The following INPP5A variants were observed in gnomAD, a reference collection of about 807,000 sequenced individuals.
The protein encoded by INPP5A is 43 kDa inositol polyphosphate 5-phophatase.
A neutral mutation model predicts 65.2 loss-of-function variants in INPP5A; 14 were observed. That is an observed-to-expected ratio of 0.21 (90% CI 0.14 to 0.34). INPP5A has a LOEUF of 0.34. Ranked by LOEUF, INPP5A falls within the 10% of genes least tolerant of loss-of-function variation. The pLI, the probability that INPP5A is intolerant of heterozygous loss-of-function variation, is 1.00. For missense variants in INPP5A, 431 were observed against 545.6 expected (o/e 0.79, Z 2.09); for synonymous variants, 207 against 208.3 (o/e 0.99, Z 0.05).
chr10:132,682,871 T>C (rs2073064810), intron 4 of INPP5A, among the ~76,000 whole-genome samples: 1 of 151,212 alleles, frequency 6.6e-6, no homozygotes, highest in Admixed American at 6.6e-5. Flanking sequence ...ATTATATACA[T>C]ATGCACGCAC....
intron 12 of INPP5A, among the ~76,000 whole-genome samples, chr10:132,769,345 C>G (rs528876847): frequency 1.7e-4 from 26 of 152,312 alleles, no homozygotes; most frequent in Non-Finnish European, 3.1e-4. Flanking sequence ...TTGAGGCGGT[C>G]AGGAGCAGGA....
intron 4 of INPP5A, among the ~76,000 whole-genome samples, chr10:132,688,794 G>A (rs1215721543): frequency 6.7e-6 from 1 of 148,600 alleles, no homozygotes; most frequent in Non-Finnish European, 1.5e-5. Context: ...GTGAGCAAGT[G>A]CGTGTGTGCA....
At chr10:132,592,063 G>A (rs985009126) in intron 1 of INPP5A, among the ~76,000 whole-genome samples, 1 of 152,132 alleles carries the variant, frequency 6.6e-6, no homozygotes, top group Admixed American at 6.5e-5. Flanking sequence ...AAGACAAAGC[G>A]TTTCACTTAT....
intron 14 of INPP5A, 56 bp downstream of exon 14, chr10:132,780,973 G>A (rs1847151239): frequency 7.8e-7 from 1 of 1,288,642 alleles, no homozygotes; most frequent in Non-Finnish European, 1.1e-6. Context: ...AAGCTAGGGG[G>A]CCGGGGGGCT....
chr10:132,609,793 C>G (rs531023034), intron 2 of INPP5A, among the ~76,000 whole-genome samples: 3 of 151,986 alleles, frequency 2.0e-5, no homozygotes, highest in African/African-American at 7.3e-5. Flanking sequence ...TACAGGCACC[C>G]GCCACCATGC....
At chr10:132,694,114 A>T (rs777892424) in intron 5 of INPP5A, among the ~76,000 whole-genome samples, 1 of 152,218 alleles carries the variant, frequency 6.6e-6, no homozygotes, top group Non-Finnish European at 1.5e-5. Flanking sequence ...TCACTGAGAC[A>T]TCACATTCTG....
chr10:132,600,073 G>A (rs2071756618), intron 1 of INPP5A, among the ~76,000 whole-genome samples: 3 of 152,188 alleles, frequency 2.0e-5, no homozygotes, highest in African/African-American at 7.2e-5. Context: ...ACATGGTCTT[G>A]GGGATTAACA....
rs112702617 is a variant in INPP5A at position 132,651,520 on chromosome 10, T to C, written c.306+1015T>C. 2.7e-3 allele frequency among the ~76,000 whole-genome samples: 405 copies of C among 151,818 alleles called. 3 individuals carry two copies. The highest frequency in any genetic ancestry group is 9.4e-3 in the African/African-American group (387 of 41,356). On this transcript the variant is annotated intron_variant, in intron 4 of 15. Coordinates refer to ENST00000368594, the MANE Select transcript of INPP5A (RefSeq NM_005539.5). This position sits in a 1 kb window ranked among gnomAD's most constrained non-coding sequence, Gnocchi z 5.0. The stretch of plus-strand genomic sequence containing the variant: ...CTGGGTCCCCCGGCCTGGTTCCATC[T>C]CCCCCGTCTCTGGAGAGGCCCTGCA...
intron 4 of INPP5A, among the ~76,000 whole-genome samples, chr10:132,679,090 C>T (rs946102759): frequency 7.2e-5 from 11 of 152,128 alleles, no homozygotes; most frequent in African/African-American, 1.9e-4. Flanking sequence ...CCTTGGTGCC[C>T]GGTGGAGAAG....
intron 2 of INPP5A, among the ~76,000 whole-genome samples, chr10:132,626,683 A>T (rs940757647): frequency 6.6e-6 from 1 of 152,202 alleles, no homozygotes; most frequent in Admixed American, 6.5e-5. Flanking sequence ...TTTAGCCAGC[A>T]CTTAGATTCT....
In INPP5A at chr10:132,710,591, G is replaced by A. The variant is rs145648601; in HGVS notation, c.647+135G>A. 5.8e-4 allele frequency: 748 copies of A among 1,278,680 alleles called. 17 individuals carry two copies. The East Asian group carries it at 0.019, about 32-fold the overall frequency. The allele number at this position is 1,278,680 out of a possible 1,614,324, so 79.2% of individuals were successfully genotyped here. A position where few individuals can be genotyped will look rare whatever the true frequency, so the allele number is the denominator to read the frequency against. Reference sequence around the variant, plus strand: ...CGGTGTGGGTGGACAGGTAGGTGGGGTGGACAGGTCAGTGTGGATGGAGAG... The same window carrying A: ...CGGTGTGGGTGGACAGGTAGGTGGGATGGACAGGTCAGTGTGGATGGAGAG... On this transcript the variant is annotated intron_variant, in intron 8 of 15. Transcript: ENST00000368594.
Position 132,698,019 on chromosome 10 carries a change from C to A in INPP5A, c.474+100C>A. 1.3e-6 allele frequency: 1 copy of A among 755,054 alleles called. No individual in the cohort carries two copies. Among genetic ancestry groups the A allele is most frequent in the Admixed American group, 2.0e-5 (1 of 49,154 alleles). 46.8% of individuals were successfully genotyped at this position (755,054 alleles called of 1,614,324 possible). A position where few individuals can be genotyped will look rare whatever the true frequency, so the allele number is the denominator to read the frequency against. On this transcript the variant is annotated intron_variant, in intron 6 of 15. Transcript: ENST00000368594. The surrounding 1 kb of genome is among the most constrained non-coding windows in gnomAD (Gnocchi z 5.5). ...ATTTTCGCATTGCACTGTTACTAGT[C>A]ACAGCTGCCTGTTGTTACCTCCGAT...
rs565261569 is a variant in INPP5A, at chr10:132,729,187, G to A, written c.732+2282G>A. Among the ~76,000 whole-genome samples, 7 of 152,194 alleles carry A rather than the reference G, an allele frequency of 4.6e-5. No homozygotes were observed. In the East Asian group the frequency reaches 5.8e-4, roughly 13 times the overall value. The stretch of plus-strand genomic sequence containing the variant: ...CAGAAAAGGAAGAAAGCACCTCACC[G>A]GGGTTTGCCTGTGGGTGTGGCCGTA... On this transcript the variant is annotated intron_variant, in intron 9 of 15. Transcript: ENST00000368594.
At chr10:132,629,697 G>T (rs1235091099) in intron 2 of INPP5A, among the ~76,000 whole-genome samples, 1 of 152,228 alleles carries the variant, frequency 6.6e-6, no homozygotes, top group Non-Finnish European at 1.5e-5. Context: ...CATTCCACAC[G>T]TGAGCATCCA....
chr10:132,603,006 T>G lies in INPP5A; in HGVS notation c.76-4909T>G, dbSNP rs2071796642. Among the ~76,000 whole-genome samples the G allele has an allele frequency of 6.6e-6, 1 of 152,248 alleles. No individual in the cohort carries two copies. ...ATATCTTCTGAATCTATCTGGAGTT[T>G]AGTTTCTTTGTGGAATAAAGAAAGG... On this transcript the variant is annotated intron_variant, in intron 1 of 15. Coordinates refer to ENST00000368594, the MANE Select transcript of INPP5A (RefSeq NM_005539.5). This position sits in a 1 kb window ranked among gnomAD's most constrained non-coding sequence, Gnocchi z 4.2.
rs75421882 is a variant in INPP5A at position 132,603,228 on chromosome 10, T to C, written c.76-4687T>C. On this transcript the variant is annotated intron_variant, in intron 1 of 15. Coordinates refer to ENST00000368594, the MANE Select transcript of INPP5A (RefSeq NM_005539.5). The surrounding 1 kb of genome is among the most constrained non-coding windows in gnomAD (Gnocchi z 4.2). ...GCCTCTGGCATCTTGGTCTCTCATGTGGGTATTCTCTATTAGGGGCTGTAT... is the reference window on the plus strand; with the variant it reads ...GCCTCTGGCATCTTGGTCTCTCATGCGGGTATTCTCTATTAGGGGCTGTAT... Among the ~76,000 whole-genome samples the C allele has an allele frequency of 0.023, 3,541 of 152,272 alleles. 50 individuals carry two copies. The highest frequency in any genetic ancestry group is 0.039 in the South Asian group (189 of 4,822).
rs544659195 is a variant in INPP5A, at chr10:132,555,101, A to G, written c.75+16930A>G. The stretch of plus-strand genomic sequence containing the variant: ...GGGTAGCATGGGCAGTGTGGGTGGC[A>G]TGGCTGCTGTGGGTGACATAGGTGG... On this transcript the variant is annotated intron_variant, in intron 1 of 15. Transcript: ENST00000368594. This position sits in a 1 kb window ranked among gnomAD's most constrained non-coding sequence, Gnocchi z 4.4. 2.0e-5 allele frequency among the ~76,000 whole-genome samples: 3 copies of G among 146,412 alleles called. No individual in the cohort carries two copies. In the East Asian group the frequency reaches 6.7e-4, roughly 33 times the overall value.
rs2071562927 is a variant in INPP5A at position 132,587,726 on chromosome 10, G to A, written c.76-20189G>A. 2.0e-5 allele frequency among the ~76,000 whole-genome samples: 3 copies of A among 152,224 alleles called. No individual in the cohort carries two copies. In the South Asian group the frequency reaches 6.2e-4, roughly 32 times the overall value. ...TTGTGTTGTTTCTTAGAATTTGGCC[G>A]GGCATGGTGGCTCATGCCTGTAATC... On this transcript the variant is annotated intron_variant, in intron 1 of 15. Transcript: ENST00000368594. This position sits in a 1 kb window ranked among gnomAD's most constrained non-coding sequence, Gnocchi z 4.3.
chr10:132,712,395 A>G (rs573564349), intron 8 of INPP5A, among the ~76,000 whole-genome samples: 3 of 150,740 alleles, frequency 2.0e-5, no homozygotes, highest in Non-Finnish European at 4.4e-5. Context: ...TTGTGTGTGC[A>G]TGTGTGGGTG....
Sources: gnomAD v4.1 joint callset for allele counts (sites outside exome capture counted in the v4.1 genomes callset) on GRCh38, gnomAD v4.1.1 for gene constraint, Gnocchi (gnomAD v3.1) non-coding constraint, MANE v1.5 for transcripts, NCBI Gene and HGNC (gene_info 2026-07-23, HGNC 2026-07-21) for gene names.